Variants in TMEM184B observed in about 807,000 individuals in gnomAD.
TMEM184B encodes the protein transmembrane protein 184B.
Under a neutral mutation model 41.8 loss-of-function variants are expected in TMEM184B, and 17 were observed. The observed-to-expected ratio is 0.41, with a 90% CI of 0.28 to 0.61. The LOEUF (loss-of-function observed/expected upper bound fraction) is 0.61. Ranked by LOEUF, TMEM184B falls within the 20% of genes least tolerant of loss-of-function variation. The probability of loss-of-function intolerance (pLI) is 0.34; values close to 1 mark genes in which losing one functional copy is unlikely to be tolerated. For synonymous variants in TMEM184B, 240 were observed against 229.5 expected (o/e 1.05, Z -0.41); for missense variants, 393 against 557.8 (o/e 0.70, Z 2.98).
intron 1 of TMEM184B, among the ~76,000 whole-genome samples, chr22:38,271,061 C>A (rs2092514983): frequency 6.6e-6 from 1 of 152,302 alleles, no homozygotes; most frequent in South Asian, 2.1e-4. Context: ...CCCACCACCA[C>A]CGTGGGTGCA....
At chr22:38,252,091 ACT>A (rs2092178427) in intron 1 of TMEM184B, among the ~76,000 whole-genome samples, 1 of 143,646 alleles carries the variant, frequency 7.0e-6, no homozygotes, top group South Asian at 2.2e-4. Context: ...ACAGAGCTTC[ACT>A]CTGTTGCCCA....
Position 38,225,254 on chromosome 22 carries a change from C to T in TMEM184B, c.787+170G>A, listed in dbSNP as rs2091397727. 6.6e-6 allele frequency among the ~76,000 whole-genome samples: 1 copy of T among 152,176 alleles called. No homozygotes were observed. Among genetic ancestry groups the T allele is most frequent in the African/African-American group, 2.4e-5 (1 of 41,446 alleles). The stretch of plus-strand genomic sequence containing the variant: ...GGCCCCACCAAAGCTCTCCCTAGCC[C>T]CTGGGAAAGGCCCTCGAGGGCTCAG... On this transcript the variant is annotated intron_variant, in intron 7 of 8. Transcript: ENST00000361906. The surrounding 1 kb of genome is among the most constrained non-coding windows in gnomAD (Gnocchi z 4.4).
rs2091220049 is a variant in TMEM184B at position 38,220,167 on chromosome 22, T to C, written c.*1302A>G. The C allele has an allele frequency of 9.1e-6, 9 of 985,350 alleles. No individual in the cohort carries two copies. The highest frequency in any genetic ancestry group is 1.1e-5 in the Non-Finnish European group (9 of 829,904). The allele number at this position is 985,350 out of a possible 1,614,324, so 61.0% of individuals were successfully genotyped here. On this transcript the variant is annotated 3_prime_UTR_variant, in exon 9 of 9. Transcript: ENST00000361906. ...GCTCTTCCTAAGTCAGGAGCTAGTATAAGCCCAGCCTGCTGGGGGTTCCGG... is the reference window on the plus strand; with the variant it reads ...GCTCTTCCTAAGTCAGGAGCTAGTACAAGCCCAGCCTGCTGGGGGTTCCGG...
downstream of TMEM184B, among the ~76,000 whole-genome samples, chr22:38,218,950 G>A (rs531271429): frequency 5.3e-5 from 8 of 152,306 alleles, no homozygotes; most frequent in Non-Finnish European, 7.4e-5. Context: ...CAGGAAGCTC[G>A]TCTGAAAGGG....
At position 38,221,261 on chromosome 22, in the gene TMEM184B, G is replaced by A; in HGVS notation, c.*208C>T. The A allele has an allele frequency of 1.4e-6, 2 of 1,423,878 alleles. No individual in the cohort carries two copies. Among genetic ancestry groups the A allele is most frequent in the Non-Finnish European group, 1.8e-6 (2 of 1,093,726 alleles). 88.2% of individuals were successfully genotyped at this position (1,423,878 alleles called of 1,614,324 possible). ...TGCCCTCGCCCGGGCAGTGCAGGCT[G>A]GGCCATGTATAAATATTCCTGAAGG... On this transcript the variant is annotated 3_prime_UTR_variant, in exon 9 of 9. Transcript: ENST00000361906.
At chr22:38,267,580 ATG>A (rs1230967593) in intron 1 of TMEM184B, among the ~76,000 whole-genome samples, 6 of 151,890 alleles carry the variant, frequency 4.0e-5, no homozygotes, top group Non-Finnish European at 4.4e-5. Context: ...TTACAGGCAC[ATG>A]CCACCACACC....
At chr22:38,255,850 G>A (rs535130738) in intron 1 of TMEM184B, among the ~76,000 whole-genome samples, 1 of 152,332 alleles carries the variant, frequency 6.6e-6, no homozygotes, top group Admixed American at 6.5e-5. Context: ...GGAGCATGGT[G>A]TAGTAGTTGG....
At chr22:38,228,574 G>A (rs1335962680) in intron 5 of TMEM184B, among the ~76,000 whole-genome samples, 4 of 152,138 alleles carry the variant, frequency 2.6e-5, no homozygotes, top group African/African-American at 4.8e-5. Context: ...CTTCTCCTAT[G>A]GGCTAGGGTA....
At chr22:38,242,610 T>C (rs557322249) in intron 3 of TMEM184B, among the ~76,000 whole-genome samples, 1 of 152,316 alleles carries the variant, frequency 6.6e-6, no homozygotes, top group African/African-American at 2.4e-5. Context: ...CTGGCCCCTC[T>C]TGGGCACTGA....
chr22:38,246,766 A>G (rs1676061746), intron 2 of TMEM184B: 1 of 1,205,866 alleles, frequency 8.3e-7, no homozygotes, highest in African/African-American at 1.6e-5. Flanking sequence ...AGCAGAGGAA[A>G]AAAGTAAAAG....
At chr22:38,250,920 C>T (rs2092147874) in intron 1 of TMEM184B, among the ~76,000 whole-genome samples, 1 of 152,216 alleles carries the variant, frequency 6.6e-6, no homozygotes, top group African/African-American at 2.4e-5. Flanking sequence ...GTTTATTTCA[C>T]AAGAGGAAAT....
intron 8 of TMEM184B, chr22:38,222,671 G>T: frequency 1.0e-6 from 1 of 985,594 alleles, no homozygotes; most frequent in Non-Finnish European, 1.2e-6. Flanking sequence ...CACTGCCCGC[G>T]GCCAAACCCC....
At chr22:38,246,231 C>G in intron 2 of TMEM184B, 131 bp from the exon 3 acceptor site, 1 of 1,132,270 alleles carries the variant, frequency 8.8e-7, no homozygotes, top group African/African-American at 1.6e-5. Context: ...GCCTCAGAGC[C>G]CTGCTCTGCA....
At position 38,241,883 on chromosome 22, in the gene TMEM184B, CAAAAAAAAAAAAA is replaced by C. The variant is rs34060428; in HGVS notation, c.358+4039_358+4051del. 3.2e-3 allele frequency among the ~76,000 whole-genome samples: 105 copies of C among 32,622 alleles called. 2 individuals are homozygous for C. Among genetic ancestry groups the C allele is most frequent in the African/African-American group, 9.4e-3 (101 of 10,742 alleles). The allele number at this position is 32,622 out of a possible 152,430, so 21.4% of individuals were successfully genotyped here. A position where few individuals can be genotyped will look rare whatever the true frequency, so the allele number is the denominator to read the frequency against. ...TGGGTGACAGAGCGAGACTCCGTCT[CAAAAAAAAAAAAA>C]AAAAAAAAAAAGAACGAGACCTGTC... On this transcript the variant is annotated intron_variant, in intron 3 of 8. Coordinates refer to ENST00000361906, the MANE Select transcript of TMEM184B (RefSeq NM_012264.5).
intron 3 of TMEM184B, chr22:38,231,726 C>T (rs779709309): frequency 2.4e-5 from 9 of 372,588 alleles, no homozygotes; most frequent in African/African-American, 8.4e-5. Context: ...TTTTTCCGGG[C>T]GCAGTGGCAT....
intron 8 of TMEM184B, chr22:38,222,464 G>A (rs565124427): frequency 2.1e-5 from 7 of 326,684 alleles, no homozygotes; most frequent in Admixed American, 1.3e-4. Context: ...AAACGAGGAC[G>A]GAAGCAGGCA....
At chr22:38,258,447 TAA>T (rs2092319432) in intron 1 of TMEM184B, among the ~76,000 whole-genome samples, 2 of 151,950 alleles carry the variant, frequency 1.3e-5, no homozygotes, top group Non-Finnish European at 2.9e-5. Flanking sequence ...ATTACAGGCA[TAA>T]GCCACATGCC....
At chr22:38,262,170 A>G (rs771756387) in intron 1 of TMEM184B, among the ~76,000 whole-genome samples, 17 of 152,160 alleles carry the variant, frequency 1.1e-4, no homozygotes, top group Non-Finnish European at 1.9e-4. Flanking sequence ...CGTTCTGTAC[A>G]CTCTGTGTGT....
chr22:38,216,806 G>A (rs2091154713), downstream of TMEM184B, among the ~76,000 whole-genome samples: 1 of 152,154 alleles, frequency 6.6e-6, no homozygotes, highest in Admixed American at 6.5e-5. Context: ...CACTTTGGGA[G>A]GCTGAAGCAA....
Sources: allele counts gnomAD v4.1 joint callset (sites outside exome capture counted in the v4.1 genomes callset), GRCh38; gene constraint gnomAD v4.1.1; non-coding constraint Gnocchi (gnomAD v3.1); transcripts MANE v1.5; gene names NCBI Gene and HGNC (gene_info 2026-07-23, HGNC 2026-07-21).